Variants in GLRA3 observed in about 807,000 individuals in gnomAD.
GLRA3 encodes the protein glycine receptor subunit alpha-3.
Under a neutral mutation model 60.4 loss-of-function variants are expected in GLRA3, and 44 were observed. The ratio of observed to expected loss-of-function variants is 0.73; its 90% CI spans 0.57 to 0.94. The LOEUF is 0.94. Among genes scored for constraint, GLRA3 ranks in the 40% least tolerant of loss-of-function variants. GLRA3 has a pLI of 0.00. For missense variants in GLRA3, 508 were observed against 564.6 expected (o/e 0.90, Z 1.02); for synonymous variants, 223 against 192.9 (o/e 1.16, Z -1.29).
At chr4:174,730,399 G>A (rs72708211) in intron 3 of GLRA3, among the ~76,000 whole-genome samples, 35 of 152,208 alleles carry the variant, frequency 2.3e-4, no homozygotes, top group Non-Finnish European at 3.5e-4. Context: ...ACTGAACAAG[G>A]TCAAGTTATA....
At chr4:174,744,929 G>A (rs1195081026) in intron 3 of GLRA3, among the ~76,000 whole-genome samples, 1 of 152,120 alleles carries the variant, frequency 6.6e-6, no homozygotes, top group African/African-American at 2.4e-5. Context: ...GGATATGAAT[G>A]AGAAATTTAC....
intron 5 of GLRA3, among the ~76,000 whole-genome samples, chr4:174,687,526 T>G (rs1210368238): frequency 6.6e-6 from 1 of 152,188 alleles, no homozygotes; most frequent in Non-Finnish European, 1.5e-5. Flanking sequence ...CTGGTTACTG[T>G]GCCTAGGTAT....
chr4:174,693,467 T>C (rs1311109238), intron 5 of GLRA3, among the ~76,000 whole-genome samples: 1 of 152,180 alleles, frequency 6.6e-6, no homozygotes, highest in Admixed American at 6.5e-5. Context: ...CAGATGGTTG[T>C]AGATGTTTCA....
At chr4:174,799,348 C>T (rs1380698777) in intron 1 of GLRA3, among the ~76,000 whole-genome samples, 1 of 152,142 alleles carries the variant, frequency 6.6e-6, no homozygotes, top group East Asian at 1.9e-4. Flanking sequence ...TAAAAAGTGC[C>T]ATGGCAGTGC....
In GLRA3 at chr4:174,708,314, G is replaced by T. The variant is rs75829942; in HGVS notation, c.574+7174C>A. 6.0e-3 allele frequency among the ~76,000 whole-genome samples: 907 copies of T among 152,046 alleles called. 8 individuals carry two copies. Among genetic ancestry groups the T allele is most frequent in the African/African-American group, 0.021 (867 of 41,512 alleles). The stretch of plus-strand genomic sequence containing the variant: ...GTAATGTCAAACCTGGTTTTTAAAT[G>T]AATCTGAGAAATTAAATCATAAAAT... On this transcript the variant is annotated intron_variant, in intron 5 of 9. Coordinates refer to ENST00000274093, the MANE Select transcript of GLRA3 (RefSeq NM_006529.4).
chr4:174,686,161 G>A, intron 5 of GLRA3, among the ~76,000 whole-genome samples: 1 of 152,160 alleles, frequency 6.6e-6, no homozygotes, highest in Admixed American at 6.6e-5. Flanking sequence ...GGCCATGGTT[G>A]GGGGCAATTC....
intron 5 of GLRA3, among the ~76,000 whole-genome samples, chr4:174,694,447 T>G (rs1734974477): frequency 6.6e-6 from 1 of 152,080 alleles, no homozygotes; most frequent in Non-Finnish European, 1.5e-5. Context: ...CTCAAAAGCA[T>G]GCAAACACAT....
At chr4:174,671,277 A>G (rs1191247165) in intron 7 of GLRA3, among the ~76,000 whole-genome samples, 2 of 152,202 alleles carry the variant, frequency 1.3e-5, no homozygotes, top group Non-Finnish European at 2.9e-5. Flanking sequence ...ATTACTGACA[A>G]TAATAACTAT....
intron 1 of GLRA3, among the ~76,000 whole-genome samples, chr4:174,822,310 G>A (rs2111400095): frequency 6.6e-6 from 1 of 152,198 alleles, no homozygotes; most frequent in African/African-American, 2.4e-5. Context: ...GCACCTCCAT[G>A]GACATTATCA....
chr4:174,697,839 GA>G (rs1735124596), intron 5 of GLRA3, among the ~76,000 whole-genome samples: 1 of 152,150 alleles, frequency 6.6e-6, no homozygotes, highest in Non-Finnish European at 1.5e-5. Context: ...GTTTTTGTGA[GA>G]AATTTCAGTG....
At chr4:174,673,740 G>A (rs151040189) in intron 7 of GLRA3, among the ~76,000 whole-genome samples, 4 of 152,186 alleles carry the variant, frequency 2.6e-5, no homozygotes, top group Non-Finnish European at 5.9e-5. Flanking sequence ...GATGTCTTTG[G>A]TCAGAACTTT....
intron 3 of GLRA3, among the ~76,000 whole-genome samples, chr4:174,748,071 C>T (rs1737321026): frequency 6.6e-6 from 1 of 152,168 alleles, no homozygotes; most frequent in South Asian, 2.1e-4. Flanking sequence ...GATAAATGTA[C>T]ATACAGAGCA....
At chr4:174,771,619 G>C (rs144800052) in intron 2 of GLRA3, among the ~76,000 whole-genome samples, 201 of 152,120 alleles carry the variant, frequency 1.3e-3, no homozygotes, top group African/African-American at 4.5e-3. Flanking sequence ...CAGCCATGTT[G>C]GGGGAACATG....
At chr4:174,801,318 C>T (rs1369153566) in intron 1 of GLRA3, among the ~76,000 whole-genome samples, 1 of 151,986 alleles carries the variant, frequency 6.6e-6, no homozygotes, top group East Asian at 1.9e-4. Context: ...TGATATTATC[C>T]AGTCTAATAG....
At chr4:174,802,455 C>T (rs113486086) in intron 1 of GLRA3, among the ~76,000 whole-genome samples, 62 of 152,170 alleles carry the variant, frequency 4.1e-4, no homozygotes, top group Middle Eastern at 3.4e-3. Flanking sequence ...ACTGACTACA[C>T]GCTTTCTGTT....
intron 3 of GLRA3, among the ~76,000 whole-genome samples, chr4:174,733,818 A>T (rs1273084087): frequency 6.6e-6 from 1 of 152,156 alleles, no homozygotes; most frequent in East Asian, 1.9e-4. Flanking sequence ...ACCCGTGAGT[A>T]TAATAAACTG....
chr4:174,797,909 G>C (rs1382654040), intron 1 of GLRA3, among the ~76,000 whole-genome samples: 2 of 151,044 alleles, frequency 1.3e-5, no homozygotes, highest in African/African-American at 4.9e-5. Context: ...GGGCAACAGA[G>C]TGAGACCCTA....
At chr4:174,683,422 C>T (rs1734433638) in intron 5 of GLRA3, among the ~76,000 whole-genome samples, 2 of 151,958 alleles carry the variant, frequency 1.3e-5, no homozygotes, top group Admixed American at 1.3e-4. Context: ...GTGATCTCAG[C>T]TCACCGCAAC....
intron 3 of GLRA3, among the ~76,000 whole-genome samples, chr4:174,731,371 C>T (rs968016712): frequency 1.3e-5 from 2 of 152,096 alleles, no homozygotes; most frequent in Non-Finnish European, 2.9e-5. Flanking sequence ...TAGTACCACC[C>T]TAAGAGAAGT....
Sources: allele counts gnomAD v4.1 joint callset (sites outside exome capture counted in the v4.1 genomes callset), GRCh38; gene constraint gnomAD v4.1.1; transcripts MANE v1.5; gene names NCBI Gene and HGNC (gene_info 2026-07-23, HGNC 2026-07-21).